The following DYNC1H1 variants were observed in gnomAD, a reference collection of about 807,000 sequenced individuals.
DYNC1H1 encodes the protein cytoplasmic dynein 1 heavy chain 1.
A neutral mutation model predicts 527.1 loss-of-function variants in DYNC1H1; 51 were observed. That is an observed-to-expected ratio of 0.10 (90% confidence interval 0.08 to 0.12). The LOEUF is 0.12. Ranked by LOEUF, DYNC1H1 falls within the 10% of genes least tolerant of loss-of-function variation. The pLI is 1.00. For synonymous variants in DYNC1H1, 2,189 were observed against 2,278.8 expected (o/e 0.96, Z 1.12); for missense variants, 2,771 against 5,971.8 (o/e 0.46, Z 17.66).
In DYNC1H1 at chr14:101,991,621, C is replaced by T; in HGVS notation, c.2963C>T (p.Ala988Val). ...CRYKLYQEMFAWKMVVLSLPR... is the reference protein window; with the variant it reads ...CRYKLYQEMFVWKMVVLSLPR... The stretch of plus-strand genomic sequence containing the variant: ...TACAAGCTGTATCAGGAAATGTTTG[C>T]CTGGAAGATGGTTGTACTGTCTCTC... Residue 988 changes from alanine (A) to valine (V), a missense_variant, in exon 11 of 78, where the codon GCC becomes GTC. Ala to Val is a moderately conservative substitution (Grantham distance 64). Coordinates refer to ENST00000360184, the MANE Select transcript of DYNC1H1 (RefSeq NM_001376.5). 1 of 1,614,118 alleles carries T rather than the reference C, an allele frequency of 6.2e-7. No individual in the cohort carries two copies. The highest frequency in any genetic ancestry group is 8.5e-7 in the Non-Finnish European group (1 of 1,180,012).
Position 101,979,578 on chromosome 14 carries a change from G to C in DYNC1H1, c.518+86G>C, listed in dbSNP as rs2073915855. ...GGTGTAAAACTTGGGAATTGGGAGG[G>C]TAACGCTAGTGAGCCGAGGGGATAT... On this transcript the variant is annotated intron_variant, in intron 3 of 77. Transcript: ENST00000360184. The surrounding 1 kb of genome is among the most constrained non-coding windows in gnomAD (Gnocchi z 4.6). The C allele has an allele frequency of 6.2e-7, 1 of 1,607,098 alleles. No individual in the cohort carries two copies. The highest frequency in any genetic ancestry group is 1.7e-5 in the Admixed American group (1 of 59,962).
chr14:102,046,421 C>T (rs1380221626), intron 72 of DYNC1H1, among the ~76,000 whole-genome samples: 2 of 151,214 alleles, frequency 1.3e-5, no homozygotes, highest in East Asian at 3.9e-4. Context: ...GAGGGATAAG[C>T]CAGGCGAGCT....
Position 102,018,672 on chromosome 14 carries a change from C to G in DYNC1H1, c.8343+56C>G. On this transcript the variant is annotated intron_variant, in intron 41 of 77. Coordinates refer to ENST00000360184, the MANE Select transcript of DYNC1H1 (RefSeq NM_001376.5). This position sits in a 1 kb window ranked among gnomAD's most constrained non-coding sequence, Gnocchi z 5.2. ...TTGTTTTCCTCTCATAATTAAGGCA[C>G]TCGATTGGTCAGGTGTGGTGGTTCA... 1 of 1,595,248 alleles carries G rather than the reference C, an allele frequency of 6.3e-7. No homozygotes were observed. The highest frequency in any genetic ancestry group is 8.5e-7 in the Non-Finnish European group (1 of 1,172,902).
In DYNC1H1 at chr14:102,042,880, A is replaced by C. The variant is rs2048668922; in HGVS notation, c.12513+132A>C. ...AACTGCACAGCTGCTTTTGCTTTTCAGCTGTAGGTAAAATTTCCTTCCATG... is the reference window on the plus strand; with the variant it reads ...AACTGCACAGCTGCTTTTGCTTTTCCGCTGTAGGTAAAATTTCCTTCCATG... On this transcript the variant is annotated intron_variant, in intron 69 of 77. Coordinates refer to ENST00000360184, the MANE Select transcript of DYNC1H1 (RefSeq NM_001376.5). This position sits in a 1 kb window ranked among gnomAD's most constrained non-coding sequence, Gnocchi z 5.7. 1.9e-6 allele frequency: 2 copies of C among 1,079,224 alleles called. No individual in the cohort carries two copies. Among genetic ancestry groups the C allele is most frequent in the South Asian group, 1.3e-5 (1 of 74,382 alleles). 66.9% of individuals were successfully genotyped at this position (1,079,224 alleles called of 1,614,324 possible).
intron 43 of DYNC1H1, among the ~76,000 whole-genome samples, chr14:102,025,944 G>A (rs1055045265): frequency 5.3e-5 from 8 of 152,052 alleles, no homozygotes; most frequent in African/African-American, 1.4e-4. Context: ...GGTGAAACCC[G>A]TCTGTACTAA....
At chr14:102,007,729 C>T (rs2141290891) in intron 28 of DYNC1H1, among the ~76,000 whole-genome samples, 1 of 152,282 alleles carries the variant, frequency 6.6e-6, no homozygotes, top group African/African-American at 2.4e-5. Context: ...CCCGTGAAGC[C>T]AGCACTGAGG....
chr14:102,028,426 G>A (rs992078042), intron 48 of DYNC1H1: 3 of 393,636 alleles, frequency 7.6e-6, no homozygotes, highest in Non-Finnish European at 1.4e-5. Context: ...GAGGTGGGAG[G>A]ATCACTTAAG....
In DYNC1H1 at chr14:101,983,334, T is replaced by C. The variant is rs1181256129; in HGVS notation, c.1233+44T>C. ...GACAACCAACCTCAAGACATTGAGA[T>C]GAAAATATGTCTTAATAATAAGCCT... On this transcript the variant is annotated intron_variant, in intron 6 of 77. Coordinates refer to ENST00000360184, the MANE Select transcript of DYNC1H1 (RefSeq NM_001376.5). The surrounding 1 kb of genome is among the most constrained non-coding windows in gnomAD (Gnocchi z 5.3). 6.2e-7 allele frequency: 1 copy of C among 1,613,898 alleles called. No homozygotes were observed. Among genetic ancestry groups the C allele is most frequent in the East Asian group, 2.2e-5 (1 of 44,898 alleles).
At chr14:101,991,412 C>A in intron 10 of DYNC1H1, 115 bp from the exon 11 acceptor site, 1 of 1,341,880 alleles carries the variant, frequency 7.5e-7, no homozygotes, top group Non-Finnish European at 1.0e-6. Context: ...TTACAGTGAG[C>A]CAAGGTTGTG....
chr14:101,965,695 C>G lies in DYNC1H1; in HGVS notation c.256+748C>G, dbSNP rs2047659620. On this transcript the variant is annotated intron_variant, in intron 1 of 77. Coordinates refer to ENST00000360184, the MANE Select transcript of DYNC1H1 (RefSeq NM_001376.5). This position sits in a 1 kb window ranked among gnomAD's most constrained non-coding sequence, Gnocchi z 4.1. ...TCACCAGCTAATCTTAGTCCTGAGACTAGACTCAGTGTCTCAGCTCCCCAT... is the reference window on the plus strand; with the variant it reads ...TCACCAGCTAATCTTAGTCCTGAGAGTAGACTCAGTGTCTCAGCTCCCCAT... 6.6e-6 allele frequency among the ~76,000 whole-genome samples: 1 copy of G among 151,944 alleles called. No homozygotes were observed. Among genetic ancestry groups the G allele is most frequent in the African/African-American group, 2.4e-5 (1 of 41,344 alleles).
intron 34 of DYNC1H1, among the ~76,000 whole-genome samples, chr14:102,014,594 G>A (rs1321420778): frequency 6.6e-6 from 1 of 151,854 alleles, no homozygotes; most frequent in Non-Finnish European, 1.5e-5. Flanking sequence ...TGAGACTGGA[G>A]GGATCCACGC....
chr14:102,014,705 T>A (rs2048299912), intron 34 of DYNC1H1, among the ~76,000 whole-genome samples: 1 of 152,194 alleles, frequency 6.6e-6, no homozygotes, highest in African/African-American at 2.4e-5. Context: ...CAAGGTGGTT[T>A]GCCCTATTCT....
chr14:102,023,977 G>A (rs966684941), intron 43 of DYNC1H1, among the ~76,000 whole-genome samples: 6 of 152,236 alleles, frequency 3.9e-5, no homozygotes, highest in African/African-American at 1.4e-4. Flanking sequence ...TTACAGCAGT[G>A]ATGTGCTACG....
intron 48 of DYNC1H1, chr14:102,028,412 A>G (rs1352928093): frequency 2.5e-6 from 1 of 404,018 alleles, no homozygotes; most frequent in Admixed American, 3.6e-5. Context: ...CTACTCAGGA[A>G]GCTGAGGTGG....
rs779826398 is a variant in DYNC1H1 at position 101,964,959 on chromosome 14, C to T, written c.256+12C>T. On this transcript the variant is annotated intron_variant, in intron 1 of 77. Coordinates refer to ENST00000360184, the MANE Select transcript of DYNC1H1 (RefSeq NM_001376.5). The surrounding 1 kb of genome is among the most constrained non-coding windows in gnomAD (Gnocchi z 5.5). ...CTCCACGCTCAAAGGTGCGGGGCCG[C>T]GGAGGGCAGGGTCGCCAGAGCCAGG... 6.3e-7 allele frequency: 1 copy of T among 1,587,548 alleles called. No individual in the cohort carries two copies. Among genetic ancestry groups the T allele is most frequent in the Non-Finnish European group, 8.6e-7 (1 of 1,168,416 alleles).
chr14:102,050,083 A>G lies in DYNC1H1; in HGVS notation c.13697A>G (p.Gln4566Arg). The G allele has an allele frequency of 6.5e-7, 1 of 1,547,090 alleles. No homozygotes were observed. The highest frequency in any genetic ancestry group is 8.6e-7 in the Non-Finnish European group (1 of 1,160,004). The change falls in exon 77 of 78, where the codon CAA (glutamine) becomes CGA (arginine). Residue 4566 changes from glutamine (Q) to arginine (R), a missense_variant. Physicochemically the swap from Gln to Arg is conservative, Grantham distance 43 (BLOSUM62 1). Coordinates refer to ENST00000360184, the MANE Select transcript of DYNC1H1 (RefSeq NM_001376.5). ...CSFGVTGLKL[Q>R]GATCNNNKLS... ...TTCCGCCTCACAGGTTTGAAACTTC[A>G]AGGGGCCACGTGCAACAACAACAAG...
rs1311453638 is a variant in DYNC1H1, at chr14:101,995,598, GA to G, written c.3564+299del. ...TGCATTCCAGCCTGGGCAACAGAGT[GA>G]GACTCCGTCTCAAAAAAAAAAAAAA... On this transcript the variant is annotated intron_variant, in intron 15 of 77. Transcript: ENST00000360184. Among the ~76,000 whole-genome samples the G allele has an allele frequency of 2.0e-5, 3 of 146,670 alleles. No homozygotes were observed. The East Asian group carries it at 6.2e-4, about 30-fold the overall frequency.
intron 2 of DYNC1H1, among the ~76,000 whole-genome samples, chr14:101,978,059 T>C (rs1421001051): frequency 6.6e-6 from 1 of 152,110 alleles, no homozygotes; most frequent in Non-Finnish European, 1.5e-5. Context: ...GCTAATTTTT[T>C]TTTCTTTCTT....
At chr14:102,045,583 C>G (rs7493530) in intron 72 of DYNC1H1, among the ~76,000 whole-genome samples, 1,920 of 152,028 alleles carry the variant, frequency 0.013, 96 homozygotes, top group Admixed American at 0.095. Context: ...TGCACTCCAG[C>G]TTGGGCAACA....
Sources: gnomAD v4.1 joint callset for allele counts (sites outside exome capture counted in the v4.1 genomes callset) on GRCh38, gnomAD v4.1.1 for gene constraint, Gnocchi (gnomAD v3.1) non-coding constraint, MANE v1.5 for transcripts, NCBI Gene and HGNC (gene_info 2026-07-23, HGNC 2026-07-21) for gene names.